The following SHISA9 variants were observed in gnomAD, a reference collection of about 807,000 sequenced individuals.
SHISA9 encodes the protein protein shisa-9.
In SHISA9, 13 loss-of-function variants were observed where a neutral mutation model predicts 38.0. The observed-to-expected ratio is 0.34, with a 90% CI of 0.22 to 0.54. The LOEUF is 0.54. Among genes scored for constraint, SHISA9 ranks in the 20% least tolerant of loss-of-function variants. The pLI is 0.91. For missense variants in SHISA9, 538 were observed against 575.8 expected (o/e 0.93, Z 0.67); for synonymous variants, 275 against 242.0 (o/e 1.14, Z -1.27).
chr16:13,337,448 A>G, the SHISA9 span, among the ~76,000 whole-genome samples: 9 of 152,210 alleles, frequency 5.9e-5, 1 homozygote, highest in South Asian at 1.9e-3. Flanking sequence ...CTGTGAGTCC[A>G]TTAAACCTCT....
chr16:13,382,733 C>T, the SHISA9 span, among the ~76,000 whole-genome samples: 5 of 151,764 alleles, frequency 3.3e-5, no homozygotes, highest in Non-Finnish European at 7.4e-5. Flanking sequence ...TGGCAGGCGC[C>T]TGTAATCCCA....
intron 2 of SHISA9, among the ~76,000 whole-genome samples, chr16:13,148,891 C>A (rs570261334): frequency 2.6e-5 from 4 of 152,002 alleles, no homozygotes; most frequent in Admixed American, 6.6e-5. Flanking sequence ...ATTTTTAGCT[C>A]CCCCGAGGTT....
the SHISA9 span, among the ~76,000 whole-genome samples, chr16:13,360,096 G>A: frequency 6.6e-6 from 1 of 152,154 alleles, no homozygotes; most frequent in Non-Finnish European, 1.5e-5. Flanking sequence ...ACAGAGCCTG[G>A]GCTGTTACAT....
At chr16:13,416,747 G>A in the SHISA9 span, among the ~76,000 whole-genome samples, 2,185 of 72,108 alleles carry the variant, frequency 0.03, 27 homozygotes, top group Middle Eastern at 0.092. Flanking sequence ...AGAAAGAAAG[G>A]AAGGAAGGAA....
chr16:13,519,152 T>C, the SHISA9 span, among the ~76,000 whole-genome samples: 3 of 152,304 alleles, frequency 2.0e-5, no homozygotes, highest in African/African-American at 7.2e-5. Flanking sequence ...ATTACTTGAG[T>C]AAGCAAAGAT....
intron 2 of SHISA9, among the ~76,000 whole-genome samples, chr16:13,033,330 G>A (rs973635420): frequency 2.0e-5 from 3 of 152,142 alleles, no homozygotes; most frequent in Non-Finnish European, 4.4e-5. Context: ...ACTGAACAAG[G>A]AAGAATGAAT....
chr16:13,122,434 T>C (rs2141979111), intron 2 of SHISA9, among the ~76,000 whole-genome samples: 1 of 152,264 alleles, frequency 6.6e-6, no homozygotes, highest in South Asian at 2.1e-4. Flanking sequence ...AAAATCTCTG[T>C]GCTACAGGAA....
At chr16:13,015,307 A>G (rs2072727599) in intron 2 of SHISA9, among the ~76,000 whole-genome samples, 1 of 152,252 alleles carries the variant, frequency 6.6e-6, no homozygotes, top group South Asian at 2.1e-4. Flanking sequence ...CCCCTTTCAG[A>G]AAAAGTTTAC....
In SHISA9 at chr16:13,239,397, C is replaced by G. The variant is rs1362367650; in HGVS notation, c.*3988C>G. The G allele has an allele frequency of 6.6e-6, 1 of 151,148 alleles. No individual in the cohort carries two copies. The highest frequency in any genetic ancestry group is 1.5e-5 in the Non-Finnish European group (1 of 67,752). 9.4% of individuals were successfully genotyped at this position (151,148 alleles called of 1,614,324 possible). A position where few individuals can be genotyped will look rare whatever the true frequency, so the allele number is the denominator to read the frequency against. On this transcript the variant is annotated 3_prime_UTR_variant, in exon 5 of 5. Coordinates refer to ENST00000558583, the MANE Select transcript of SHISA9 (RefSeq NM_001145204.3). ...AAATGGTATTTCTAGTTCTAGATCC[C>G]TGAGGAATCGCCACACTGACTTCCA...
chr16:13,490,931 T>C, the SHISA9 span, among the ~76,000 whole-genome samples: 1 of 152,176 alleles, frequency 6.6e-6, no homozygotes, highest in Non-Finnish European at 1.5e-5. Context: ...TAAAGGCCCT[T>C]TTAAGTTTTC....
At chr16:13,030,859 C>T (rs1044824380) in intron 2 of SHISA9, among the ~76,000 whole-genome samples, 1 of 152,142 alleles carries the variant, frequency 6.6e-6, no homozygotes, top group Non-Finnish European at 1.5e-5. Flanking sequence ...CCAAGGACCC[C>T]TTCATGGCCA....
chr16:12,998,561 G>A (rs762292795), intron 2 of SHISA9, among the ~76,000 whole-genome samples: 11 of 151,960 alleles, frequency 7.2e-5, no homozygotes, highest in Admixed American at 3.3e-4. Flanking sequence ...ACAATGTCTC[G>A]CTCTGTTGGC....
intron 2 of SHISA9, among the ~76,000 whole-genome samples, chr16:13,019,768 CTTTCTTT>C (rs2072802384): frequency 3.2e-5 from 1 of 31,636 alleles, no homozygotes; most frequent in African/African-American, 1.6e-4. Context: ...TCTTTCTTTT[CTTTCTTT>C]CTTTCTTTCT....
the SHISA9 span, chr16:13,258,298 T>C: frequency 6.6e-6 from 1 of 152,226 alleles, no homozygotes; most frequent in South Asian, 2.1e-4. Flanking sequence ...TCACAGCCAT[T>C]TGTTAACTGT....
chr16:13,381,011 A>G, the SHISA9 span, among the ~76,000 whole-genome samples: 99 of 152,182 alleles, frequency 6.5e-4, no homozygotes, highest in African/African-American at 2.4e-3. Context: ...ATCCTTTTTT[A>G]TGGCTGCATA....
At chr16:13,378,481 G>T in the SHISA9 span, among the ~76,000 whole-genome samples, 1 of 152,144 alleles carries the variant, frequency 6.6e-6, no homozygotes, top group Non-Finnish European at 1.5e-5. Context: ...GTCCATCTCT[G>T]AAATAGCCAC....
chr16:13,277,019 GTTATC>G, the SHISA9 span, among the ~76,000 whole-genome samples: 1 of 152,104 alleles, frequency 6.6e-6, no homozygotes, highest in African/African-American at 2.4e-5. Flanking sequence ...GTTTTCCAAT[GTTATC>G]TTCTAGAATT....
chr16:13,100,301 T>A (rs924013279), intron 2 of SHISA9, among the ~76,000 whole-genome samples: 2 of 151,614 alleles, frequency 1.3e-5, no homozygotes, highest in African/African-American at 2.4e-5. Context: ...TTGGGCTTTG[T>A]TTTATTTTAT....
chr16:13,273,594 C>A, the SHISA9 span, among the ~76,000 whole-genome samples: 1 of 152,168 alleles, frequency 6.6e-6, no homozygotes, highest in Non-Finnish European at 1.5e-5. Flanking sequence ...TCCATTAAAC[C>A]TCTCTTTCTT....
Sources: gnomAD v4.1 joint callset for allele counts (sites outside exome capture counted in the v4.1 genomes callset) on GRCh38, gnomAD v4.1.1 for gene constraint, MANE v1.5 for transcripts, NCBI Gene and HGNC (gene_info 2026-07-23, HGNC 2026-07-21) for gene names.